The following TOX2 variants were observed in gnomAD, a reference collection of about 807,000 sequenced individuals.
TOX2 encodes TOX high mobility group box family member 2, also known as granulosa cell HMG box 1.
Under a neutral mutation model 47.4 loss-of-function variants are expected in TOX2, and 15 were observed. The observed-to-expected ratio is 0.32, with a 90% confidence interval of 0.21 to 0.49. TOX2 has a LOEUF of 0.49. Among genes scored for constraint, TOX2 ranks in the 20% least tolerant of loss-of-function variants. The probability of loss-of-function intolerance (pLI) is 0.99; values close to 1 mark genes in which losing one functional copy is unlikely to be tolerated. For missense variants in TOX2, 622 were observed against 673.1 expected (o/e 0.92, Z 0.84); for synonymous variants, 290 against 296.6 (o/e 0.98, Z 0.23).
In TOX2 at chr20:44,020,680, T is replaced by C. The variant is rs140225401; in HGVS notation, c.411+13888T>C. 5.3e-3 allele frequency among the ~76,000 whole-genome samples: 814 copies of C among 152,238 alleles called. 3 individuals are homozygous for C. Among genetic ancestry groups the C allele is most frequent in the Middle Eastern group, 0.034 (10 of 294 alleles). The stretch of plus-strand genomic sequence containing the variant: ...AGATGCAGATTCTCAGGCCCCTCCC[T>C]AGACCTGGTGACTGGGAGACTCGGC... On this transcript the variant is annotated intron_variant, in intron 3 of 8. Transcript: ENST00000341197.
intron 1 of TOX2, among the ~76,000 whole-genome samples, chr20:43,924,312 A>T (rs146965177): frequency 4.9e-4 from 74 of 152,282 alleles, no homozygotes; most frequent in African/African-American, 1.7e-3. Flanking sequence ...AAGGCAGGAT[A>T]GTTACTTTTT....
intron 2 of TOX2, among the ~76,000 whole-genome samples, chr20:43,981,797 G>A (rs1431525856): frequency 6.6e-6 from 1 of 152,176 alleles, no homozygotes; most frequent in African/African-American, 2.4e-5. Context: ...CATTGTTCTG[G>A]TCCCATGGGC....
At chr20:44,057,626 C>A (rs779362320) in intron 5 of TOX2, among the ~76,000 whole-genome samples, 14 of 152,188 alleles carry the variant, frequency 9.2e-5, no homozygotes, top group Non-Finnish European at 1.8e-4. Context: ...TCTTTATATA[C>A]AATGTAACCT....
intron 8 of TOX2, among the ~76,000 whole-genome samples, chr20:44,067,249 T>G (rs1600809074): frequency 1.9e-4 from 24 of 129,266 alleles, no homozygotes; most frequent in South Asian, 4.9e-4. Context: ...GAGAAGGGGG[T>G]GAGGGAGGCA....
At chr20:44,001,820 A>G (rs535456615) in intron 2 of TOX2, among the ~76,000 whole-genome samples, 59 of 152,306 alleles carry the variant, frequency 3.9e-4, no homozygotes, top group African/African-American at 1.3e-3. Flanking sequence ...GTTTGAAACT[A>G]GAGCCTGGGA....
intron 1 of TOX2, among the ~76,000 whole-genome samples, chr20:43,931,602 T>C (rs888468790): frequency 6.6e-5 from 10 of 152,214 alleles, no homozygotes; most frequent in African/African-American, 2.2e-4. Flanking sequence ...TCAGAGGCCA[T>C]GTCTGGGTGC....
intron 1 of TOX2, among the ~76,000 whole-genome samples, chr20:43,966,614 C>T (rs1389456061): frequency 1.3e-5 from 2 of 151,970 alleles, no homozygotes; most frequent in Non-Finnish European, 2.9e-5. Flanking sequence ...TTTAGCCAGG[C>T]TTGGTGGTGC....
Position 44,068,818 on chromosome 20 carries a change from G to C in TOX2, c.*132G>C. ...GAGAGCAGTGACACACCCATTGCCCGGGGGCTGAGTCTCTTCCTCAACCTC... is the reference window on the plus strand; with the variant it reads ...GAGAGCAGTGACACACCCATTGCCCCGGGGCTGAGTCTCTTCCTCAACCTC... On this transcript the variant is annotated 3_prime_UTR_variant, in exon 9 of 9. Transcript: ENST00000341197. 8.1e-7 allele frequency: 1 copy of C among 1,234,502 alleles called. No individual in the cohort carries two copies. 76.5% of individuals were successfully genotyped at this position (1,234,502 alleles called of 1,614,324 possible).
intron 2 of TOX2, among the ~76,000 whole-genome samples, chr20:43,976,233 G>T (rs916995584): frequency 1.3e-5 from 2 of 152,216 alleles, no homozygotes; most frequent in Non-Finnish European, 2.9e-5. Context: ...GTTTAACTGA[G>T]TTCAGTTGGG....
At chr20:43,954,005 C>A (rs2069625539) in intron 1 of TOX2, among the ~76,000 whole-genome samples, 1 of 152,192 alleles carries the variant, frequency 6.6e-6, no homozygotes, top group Non-Finnish European at 1.5e-5. Context: ...ATCCATCCTC[C>A]ACGTGGCTAG....
chr20:43,970,218 C>T (rs2069940618), intron 1 of TOX2, among the ~76,000 whole-genome samples: 1 of 152,208 alleles, frequency 6.6e-6, no homozygotes, highest in Non-Finnish European at 1.5e-5. Flanking sequence ...TGATCTTGGA[C>T]AACTGCTTAT....
At chr20:44,038,649 A>C (rs2145711529) in intron 3 of TOX2, among the ~76,000 whole-genome samples, 1 of 152,240 alleles carries the variant, frequency 6.6e-6, no homozygotes, top group Admixed American at 6.5e-5. Flanking sequence ...AAAAGAAAAA[A>C]AAAAATTCCG....
chr20:43,961,969 C>T (rs989569031), intron 1 of TOX2, among the ~76,000 whole-genome samples: 1 of 152,204 alleles, frequency 6.6e-6, no homozygotes, highest in African/African-American at 2.4e-5. Flanking sequence ...CTGCAGCCCT[C>T]TTTGAACCAT....
intron 3 of TOX2, among the ~76,000 whole-genome samples, chr20:44,049,932 T>C (rs2071479522): frequency 6.6e-6 from 1 of 152,206 alleles, no homozygotes; most frequent in Non-Finnish European, 1.5e-5. Flanking sequence ...CTATTGTGAA[T>C]AGTGCTGCAG....
At chr20:43,942,499 GA>G (rs2069414504) in intron 1 of TOX2, among the ~76,000 whole-genome samples, 1 of 152,142 alleles carries the variant, frequency 6.6e-6, no homozygotes, top group Non-Finnish European at 1.5e-5. Flanking sequence ...GCAACATAGT[GA>G]GACCCTATTT....
chr20:44,021,454 C>T (rs899614041), intron 3 of TOX2, among the ~76,000 whole-genome samples: 3 of 152,194 alleles, frequency 2.0e-5, no homozygotes, highest in African/African-American at 7.2e-5. Context: ...GACTCCTCTT[C>T]TCCTTTGGGA....
intron 2 of TOX2, among the ~76,000 whole-genome samples, chr20:44,002,535 C>G (rs1235349535): frequency 6.6e-6 from 1 of 152,204 alleles, no homozygotes; most frequent in Non-Finnish European, 1.5e-5. Context: ...CTTTCTCACA[C>G]ATGAGGAAAC....
intron 1 of TOX2, among the ~76,000 whole-genome samples, chr20:43,954,253 C>CA (rs2069629807): frequency 6.6e-6 from 1 of 152,178 alleles, no homozygotes; most frequent in African/African-American, 2.4e-5. Flanking sequence ...TAAATGCTCC[C>CA]ACCCACTACT....
intron 2 of TOX2, among the ~76,000 whole-genome samples, chr20:43,977,650 C>T (rs997240167): frequency 6.6e-6 from 1 of 152,036 alleles, no homozygotes; most frequent in East Asian, 1.9e-4. Context: ...CCCATAGCTG[C>T]TTTAGCTTCT....
Sources: gnomAD v4.1 joint callset for allele counts (sites outside exome capture counted in the v4.1 genomes callset) on GRCh38, gnomAD v4.1.1 for gene constraint, MANE v1.5 for transcripts, NCBI Gene and HGNC (gene_info 2026-07-23, HGNC 2026-07-21) for gene names.